PSMA6: variants seen among roughly 807,000 people sequenced by gnomAD.
PSMA6 encodes the protein proteasome 20S subunit alpha 6, also known as proteasome subunit alpha type-6.
For synonymous variants in PSMA6, 88 were observed against 97.7 expected, an observed-to-expected ratio of 0.90 and a Z score of 0.59; for missense variants, 170 against 294.8, an observed-to-expected ratio of 0.58 and a Z score of 3.10.
chr14:35,295,977 AGGTCTGGCAAAGGAGAAGAGGAGT>A (rs1019347938), intron 1 of PSMA6, among the ~76,000 whole-genome samples: 10 of 152,120 alleles, frequency 6.6e-5, no homozygotes, highest in African/African-American at 2.2e-4. Flanking sequence ...TTTGCTGGAT[AGGTCTGGCAAAGGAGAAGAGGAGT>A]GGTCATTTGG....
At chr14:35,288,289 G>C (rs2051441819), upstream of PSMA6, among the ~76,000 whole-genome samples, 1 of 152,160 alleles carries the variant, frequency 6.6e-6, no homozygotes, top group African/African-American at 2.4e-5. Context: ...CTTGAGGCCA[G>C]GAGTTTGAGA....
At chr14:35,291,750 G>C (rs960370049), upstream of PSMA6, among the ~76,000 whole-genome samples, 13 of 151,062 alleles carry the variant, frequency 8.6e-5, no homozygotes, top group African/African-American at 2.7e-4. Flanking sequence ...TTGAACTCAG[G>C]AGGGGGAGGT....
intron 1 of PSMA6, among the ~76,000 whole-genome samples, chr14:35,305,169 G>T (rs1195633641): frequency 6.6e-6 from 1 of 151,346 alleles, no homozygotes; most frequent in Non-Finnish European, 1.5e-5. Context: ...TTGAAATGGG[G>T]TCTTGCTCTG....
At chr14:35,287,910 G>A (rs1191226187), upstream of PSMA6, among the ~76,000 whole-genome samples, 8 of 110,982 alleles carry the variant, frequency 7.2e-5, no homozygotes, top group African/African-American at 1.1e-4. Flanking sequence ...TCACGAAGTC[G>A]GCTTCCAGGG....
At chr14:35,293,875 T>C (rs1419847605) in intron 1 of PSMA6, among the ~76,000 whole-genome samples, 7 of 152,226 alleles carry the variant, frequency 4.6e-5, no homozygotes, top group Admixed American at 4.6e-4. Context: ...ACCTTTACTT[T>C]GTTTCTATAT....
intron 1 of PSMA6, among the ~76,000 whole-genome samples, chr14:35,304,413 G>C (rs2051781084): frequency 6.6e-6 from 1 of 152,172 alleles, no homozygotes; most frequent in Non-Finnish European, 1.5e-5. Flanking sequence ...CAAATAGCGA[G>C]GCACCAGCTA....
chr14:35,307,246 T>G (rs2051846141), intron 1 of PSMA6, among the ~76,000 whole-genome samples: 1 of 152,172 alleles, frequency 6.6e-6, no homozygotes, highest in African/African-American at 2.4e-5. Flanking sequence ...TGCAAAATAA[T>G]CAAACAGCAA....
upstream of PSMA6, among the ~76,000 whole-genome samples, chr14:35,288,468 A>G (rs971213635): frequency 6.6e-6 from 1 of 152,234 alleles, no homozygotes; most frequent in African/African-American, 2.4e-5. Flanking sequence ...ACTGCACTCC[A>G]GCCTAGGCGA....
chr14:35,293,173 G>A (rs921999749), intron 1 of PSMA6: 1 of 363,060 alleles, frequency 2.8e-6, no homozygotes. Context: ...CTGATAGAAT[G>A]AGTGACTCAA....
At chr14:35,292,731 A>C in intron 1 of PSMA6, 179 bp downstream of exon 1, 1 of 1,209,708 alleles carries the variant, frequency 8.3e-7, no homozygotes, top group Non-Finnish European at 1.1e-6. Context: ...GGACGCAGGG[A>C]TCGGGGGCCT....
intron 1 of PSMA6, among the ~76,000 whole-genome samples, chr14:35,296,319 GTGTTTGTTTGTT>G (rs140678103): frequency 1.1e-4 from 16 of 151,580 alleles, no homozygotes; most frequent in Admixed American, 5.3e-4. Context: ...TGTTTTCTGG[GTGTTTGTTTGTT>G]TGTTTGTTTG....
At chr14:35,296,963 A>G (rs1264351106) in intron 1 of PSMA6, among the ~76,000 whole-genome samples, 1 of 67,878 alleles carries the variant, frequency 1.5e-5, no homozygotes, top group Admixed American at 2.0e-4. Flanking sequence ...CCCCTCCCCC[A>G]GTGCCAAGAT....
chr14:35,278,806 T>C, intron 1 of PSMA6: 2 of 1,447,862 alleles, frequency 1.4e-6, no homozygotes, highest in Non-Finnish European at 1.9e-6. Flanking sequence ...TATTCCTCTT[T>C]ACAATGACCT....
upstream of PSMA6, chr14:35,292,366 A>T: frequency 1.8e-5 from 27 of 1,531,196 alleles, no homozygotes; most frequent in Non-Finnish European, 2.4e-5. Context: ...AGCGGAAGAA[A>T]CGCGGCTGGT....
chr14:35,287,762 GAC>G (rs1341896339), upstream of PSMA6, among the ~76,000 whole-genome samples: 1 of 152,110 alleles, frequency 6.6e-6, no homozygotes, highest in Non-Finnish European at 1.5e-5. Context: ...TTTCCACACA[GAC>G]ACAGCAAGTC....
At position 35,310,761 on chromosome 14, in the gene PSMA6, A is replaced by G; in HGVS notation, c.275A>G (p.Gln92Arg). 1 of 1,612,318 alleles carries G rather than the reference A, an allele frequency of 6.2e-7. No homozygotes were observed. Among genetic ancestry groups the G allele is most frequent in the Non-Finnish European group, 8.5e-7 (1 of 1,179,838 alleles). ...GMTADSRSQV[Q>R]RARYEAANWK... The stretch of plus-strand genomic sequence containing the variant: ...TAAGCTGACAGCAGATCCCAGGTAC[A>G]GAGGGCACGCTATGAGGCAGCTAAC... Residue 92 changes from glutamine (Q) to arginine (R), a missense_variant, in exon 4 of 7, where the codon CAG becomes CGG. Coordinates refer to ENST00000261479, the MANE Select transcript of PSMA6 (RefSeq NM_002791.3).
At chr14:35,290,305 G>T (rs1442592078), upstream of PSMA6, among the ~76,000 whole-genome samples, 2 of 152,118 alleles carry the variant, frequency 1.3e-5, no homozygotes, top group Non-Finnish European at 2.9e-5. Context: ...AGGAATTACA[G>T]TATACCAGGC....
At position 35,314,372 on chromosome 14, in the gene PSMA6, A is replaced by T. The variant is rs372676999; in HGVS notation, c.600A>T (p.Thr200=). ...TFEQTVETAI[T]CLSTVLSIDF... ...ATACTTTTTTTCAGACTGCAATTAC[A>T]TGCCTGTCTACTGTTCTATCAATTG... The change falls in exon 6 of 7, where the codon ACA becomes ACT. Residue 200 remains threonine (T), a synonymous_variant. Transcript: ENST00000261479. The T allele has an allele frequency of 8.7e-6, 14 of 1,605,870 alleles. No individual in the cohort carries two copies. The South Asian group carries it at 1.0e-4, about 12-fold the overall frequency.
upstream of PSMA6, among the ~76,000 whole-genome samples, chr14:35,291,721 G>T (rs903686379): frequency 6.6e-5 from 10 of 150,862 alleles, no homozygotes; most frequent in African/African-American, 2.4e-4. Flanking sequence ...TACTCGGGAG[G>T]ATGAGGCAGG....
Sources: gnomAD v4.1 joint callset for allele counts (sites outside exome capture counted in the v4.1 genomes callset) on GRCh38, gnomAD v4.1.1 for gene constraint, MANE v1.5 for transcripts, NCBI Gene and HGNC (gene_info 2026-07-23, HGNC 2026-07-21) for gene names.